LTBP2: variants seen among roughly 807,000 people sequenced by gnomAD.
The protein encoded by LTBP2 is latent-transforming growth factor beta-binding protein 2.
LTBP2 carries 103 observed loss-of-function variants against 210.6 expected under a neutral mutation model. The observed-to-expected ratio is 0.49, with a 90% CI of 0.42 to 0.58. The LOEUF is 0.58. LTBP2 is among the 20% of genes least tolerant of loss of function. LTBP2 has a pLI of 0.00. For synonymous variants in LTBP2, 1,007 were observed against 1,015.0 expected, an observed-to-expected ratio of 0.99 and a Z score of 0.15; for missense variants, 2,313 against 2,494.5, an observed-to-expected ratio of 0.93 and a Z score of 1.55.
At chr14:74,526,853 C>T (rs947581959) in intron 13 of LTBP2, among the ~76,000 whole-genome samples, 2 of 152,136 alleles carry the variant, frequency 1.3e-5, no homozygotes, top group African/African-American at 4.8e-5. Flanking sequence ...ATCTTGGGCA[C>T]AGGGAAGGGA....
At position 74,511,275 on chromosome 14, in the gene LTBP2, C is replaced by T. The variant is rs1239794695; in HGVS notation, c.2998G>A (p.Gly1000Ser). 3.7e-6 allele frequency: 6 copies of T among 1,613,930 alleles called. No homozygotes were observed. The highest frequency in any genetic ancestry group is 2.7e-5 in the African/African-American group (2 of 74,924). Residue 1000 changes from glycine (G) to serine (S), a missense_variant, in exon 19 of 36, where the codon GGC becomes AGC. Transcript: ENST00000261978. ...CAGCTCCCACTCTGGCCCCGGTAGC[C>T]CTCCTCACAGGCCAGACAAGTGTAG... ...GSYTCLACEEGYRGQSGSCVD... is the reference protein window; with the variant it reads ...GSYTCLACEESYRGQSGSCVD...
chr14:74,583,803 G>A (rs1343860084), intron 3 of LTBP2, among the ~76,000 whole-genome samples: 1 of 152,262 alleles, frequency 6.6e-6, no homozygotes, highest in Admixed American at 6.5e-5. Flanking sequence ...TGAATGAGCA[G>A]AACACAGTCC....
chr14:74,575,421 G>C (rs1566646019), intron 3 of LTBP2, among the ~76,000 whole-genome samples: 1 of 152,242 alleles, frequency 6.6e-6, no homozygotes, highest in African/African-American at 2.4e-5. Context: ...TTCCCAGAAA[G>C]AAGCCAGGTC....
chr14:74,555,585 G>A lies in LTBP2; in HGVS notation c.939C>T (p.Asn313=), dbSNP rs141536587. 4.2e-5 allele frequency: 67 copies of A among 1,611,952 alleles called. No individual in the cohort carries two copies. The highest frequency in any genetic ancestry group is 1.5e-4 in the African/African-American group (11 of 74,916). The change falls in exon 4 of 36, where the codon AAC becomes AAT. Residue 313 remains asparagine, a synonymous_variant. Transcript: ENST00000261978. ...TATASSQLSS[N]ALPPGPGLEQ... ...CAAGGCCTGGTCCCGGGGGCAGGGC[G>A]TTGGAAGAGAGCTGGCTACTGGCCG... is the stretch of plus-strand genomic sequence containing the variant.
In LTBP2 at chr14:74,500,676, T is replaced by C. The variant is rs1450397476; in HGVS notation, c.*208A>G. The C allele has an allele frequency of 3.1e-6, 2 of 645,768 alleles. No homozygotes were observed. The highest frequency in any genetic ancestry group is 5.5e-6 in the Non-Finnish European group (2 of 362,524). The allele number at this position is 645,768 out of a possible 1,614,324, so 40.0% of individuals were successfully genotyped here. A position where few individuals can be genotyped will look rare whatever the true frequency, so the allele number is the denominator to read the frequency against. ...TGCGGTGGCTGAAGCATTAAAGCGATTGGTGGTGCTTGAGCCAAGCAAGGG... is the reference window on the plus strand; with the variant it reads ...TGCGGTGGCTGAAGCATTAAAGCGACTGGTGGTGCTTGAGCCAAGCAAGGG... On this transcript the variant is annotated 3_prime_UTR_variant, in exon 36 of 36. Coordinates refer to ENST00000261978, the MANE Select transcript of LTBP2 (RefSeq NM_000428.3).
rs570988311 is a variant in LTBP2, at chr14:74,552,184, C to T, written c.1399+3G>A. 4.4e-6 allele frequency: 7 copies of T among 1,599,180 alleles called. No homozygotes were observed. The East Asian group carries it at 1.6e-4, about 36-fold the overall frequency. ...CCGCCGGCCCAGCTGTGCCGGCACT[C>T]ACCCAGCTGGTTGGAGAGCGGCAGT... On this transcript the variant is annotated splice_donor_region_variant and intron_variant, in intron 6 of 35. Transcript: ENST00000261978.
intron 3 of LTBP2, 135 bp from the exon 4 acceptor site, chr14:74,555,828 G>T (rs541843252): frequency 2.1e-4 from 121 of 575,094 alleles, no homozygotes; most frequent in African/African-American, 2.1e-3. Flanking sequence ...ATGTATGGCT[G>T]ACTCCCAGAC....
At chr14:74,598,609 A>T (rs2088403342) in intron 2 of LTBP2, among the ~76,000 whole-genome samples, 1 of 152,146 alleles carries the variant, frequency 6.6e-6, no homozygotes, top group South Asian at 2.1e-4. Context: ...CTTGAGCTAA[A>T]CATCTGACCT....
At chr14:74,596,263 AAAAATT>A (rs1457331012) in intron 2 of LTBP2, among the ~76,000 whole-genome samples, 205 of 148,338 alleles carry the variant, frequency 1.4e-3, no homozygotes, top group South Asian at 4.6e-3. Context: ...ATAAATAAAT[AAAAATT>A]AAAAACAAAG....
intron 35 of LTBP2, 104 bp from the exon 36 acceptor site, chr14:74,501,133 C>G: frequency 7.2e-7 from 1 of 1,382,694 alleles, no homozygotes; most frequent in Admixed American, 2.0e-5. Context: ...AGAGTGAAAC[C>G]CTAAGTGTGA....
chr14:74,550,320 G>T (rs1595269305), intron 7 of LTBP2, among the ~76,000 whole-genome samples: 1 of 152,216 alleles, frequency 6.6e-6, no homozygotes. Flanking sequence ...CACCCACAGA[G>T]TGGGCCTTGT....
intron 8 of LTBP2, among the ~76,000 whole-genome samples, chr14:74,540,857 T>TTA (rs1555350200): frequency 6.8e-5 from 5 of 73,726 alleles, no homozygotes; most frequent in Non-Finnish European, 1.2e-4. Context: ...ATTATATATA[T>TTA]TATATATATT....
Position 74,551,339 on chromosome 14 carries a change from G to A in LTBP2, c.1411C>T (p.Pro471Ser), listed in dbSNP as rs1367424588. The A allele has an allele frequency of 6.4e-7, 1 of 1,572,336 alleles. No individual in the cohort carries two copies. The highest frequency in any genetic ancestry group is 1.8e-5 in the Admixed American group (1 of 56,546). Reference sequence around the variant, plus strand: ...TGAATGTGCACCTTCACCAGGGAGGGGTTCACGGAGGCTGGGCACAGGGGC... The same window carrying A: ...TGAATGTGCACCTTCACCAGGGAGGAGTTCACGGAGGCTGGGCACAGGGGC... ...PLSNQLASVN[P>S]SLVKVHIHHP... The change falls in exon 7 of 36, where the codon CCC becomes TCC. Residue 471 changes from proline to serine, a missense_variant. Around this residue, in one of 3 missense-constraint regions of LTBP2, gnomAD observed 1,867 missense variants for 1,976.9 expected, o/e 0.94. Coordinates refer to ENST00000261978, the MANE Select transcript of LTBP2 (RefSeq NM_000428.3).
intron 2 of LTBP2, among the ~76,000 whole-genome samples, chr14:74,593,784 A>G (rs989654691): frequency 1.1e-4 from 16 of 152,138 alleles, no homozygotes; most frequent in Non-Finnish European, 1.8e-4. Flanking sequence ...GCCTAAAACA[A>G]CAACAAAACT....
chr14:74,594,823 A>G (rs924160549), intron 2 of LTBP2, among the ~76,000 whole-genome samples: 3 of 152,160 alleles, frequency 2.0e-5, no homozygotes, highest in African/African-American at 7.2e-5. Flanking sequence ...CACCCTCGGA[A>G]TCCACCTCAG....
chr14:74,572,322 T>TGA (rs33960423), intron 3 of LTBP2, among the ~76,000 whole-genome samples: 11,021 of 82,486 alleles, frequency 0.13, 446 homozygotes, highest in Non-Finnish European at 0.19. Flanking sequence ...TGTGTGTGTG[T>TGA]GAGAGAGAGA....
intron 20 of LTBP2, 51 bp downstream of exon 20, chr14:74,510,040 G>A (rs1280379560): frequency 6.2e-7 from 1 of 1,613,548 alleles, no homozygotes; most frequent in Admixed American, 1.7e-5. Context: ...AGGGGAGGGA[G>A]CCACAAGCTG....
intron 10 of LTBP2, among the ~76,000 whole-genome samples, chr14:74,529,611 C>T (rs1478200178): frequency 6.6e-6 from 1 of 152,146 alleles, no homozygotes; most frequent in Non-Finnish European, 1.5e-5. Context: ...GTGCCTGGTG[C>T]ATGCAAATGC....
intron 2 of LTBP2, among the ~76,000 whole-genome samples, chr14:74,593,591 G>C (rs2088313349): frequency 6.6e-6 from 1 of 152,172 alleles, no homozygotes; most frequent in Non-Finnish European, 1.5e-5. Context: ...GCCACGAACT[G>C]TATGTGGTTA....
Sources: gnomAD v4.1 joint callset for allele counts (sites outside exome capture counted in the v4.1 genomes callset) on GRCh38, gnomAD v4.1.1 for gene constraint, gnomAD v4.1.1 regional missense constraint, MANE v1.5 for transcripts, NCBI Gene and HGNC (gene_info 2026-07-23, HGNC 2026-07-21) for gene names.